CNBD1: variants seen among roughly 807,000 people sequenced by gnomAD.
CNBD1 encodes cyclic nucleotide-binding domain-containing protein 1.
A neutral mutation model predicts 54.4 loss-of-function variants in CNBD1; 71 were observed. That is an observed-to-expected ratio of 1.30 (90% confidence interval 1.08 to 1.59). CNBD1 has a LOEUF of 1.59. CNBD1 is among the 40% of genes most tolerant of loss of function. CNBD1 has a pLI of 0.00. For missense variants in CNBD1, 659 were observed against 518.0 expected (o/e 1.27, Z -2.64); for synonymous variants, 182 against 170.7 (o/e 1.07, Z -0.51).
chr8:87,299,480 G>A (rs1184036447), intron 8 of CNBD1, among the ~76,000 whole-genome samples: 3 of 152,192 alleles, frequency 2.0e-5, no homozygotes, highest in Non-Finnish European at 4.4e-5. Context: ...TTCTCCTCCT[G>A]TTCACATAGA....
chr8:87,422,727 T>C (rs746864013), intron 2 of CNBD1, among the ~76,000 whole-genome samples: 7 of 152,200 alleles, frequency 4.6e-5, no homozygotes, highest in Non-Finnish European at 1.0e-4. Flanking sequence ...AGCTTTGTTC[T>C]TTTGGCTTAG....
chr8:87,017,049 C>T (rs562073349), intron 4 of CNBD1, among the ~76,000 whole-genome samples: 1 of 152,250 alleles, frequency 6.6e-6, no homozygotes, highest in East Asian at 1.9e-4. Context: ...TTTAAGAAGC[C>T]TTATCAAATC....
chr8:87,340,218 A>G (rs1218108613), intron 8 of CNBD1, among the ~76,000 whole-genome samples: 2 of 152,152 alleles, frequency 1.3e-5, no homozygotes, highest in Non-Finnish European at 2.9e-5. Flanking sequence ...TCTGACCTTC[A>G]ATGTTTCTGC....
chr8:87,057,336 C>G (rs1271673505), intron 4 of CNBD1, among the ~76,000 whole-genome samples: 4 of 152,172 alleles, frequency 2.6e-5, no homozygotes, highest in Admixed American at 1.3e-4. Context: ...GGGAAAGGCC[C>G]CTTACTTTAA....
At chr8:87,386,372 A>G (rs1358055169), downstream of CNBD1, among the ~76,000 whole-genome samples, 1 of 152,110 alleles carries the variant, frequency 6.6e-6, no homozygotes, top group Non-Finnish European at 1.5e-5. Flanking sequence ...TGAAAAAAAA[A>G]TTAGATGAAT....
At chr8:86,877,367 T>C (rs1808536667) in intron 1 of CNBD1, among the ~76,000 whole-genome samples, 1 of 152,192 alleles carries the variant, frequency 6.6e-6, no homozygotes, top group South Asian at 2.1e-4. Flanking sequence ...CTTAGTTGTA[T>C]GGGTATGTGA....
Position 87,353,677 on chromosome 8 carries a change from G to T in CNBD1, c.1194G>T (p.Glu398Asp). 1 of 1,604,306 alleles carries T rather than the reference G, an allele frequency of 6.2e-7. No individual in the cohort carries two copies. The highest frequency in any genetic ancestry group is 8.5e-7 in the Non-Finnish European group (1 of 1,175,754). ...TTGTTTATATGGGGAAACTTAAGGA[G>T]AAGGAGTCCTTTGGTGAGATTAGCG... is the stretch of plus-strand genomic sequence containing the variant. Reference protein sequence around the residue: ...QKLVYMGKLKEKESFGEISVL... With the variant: ...QKLVYMGKLKDKESFGEISVL... Residue 398 changes from glutamate to aspartate, a missense_variant, in exon 10 of 11, where the codon GAG becomes GAT. Physicochemically the swap from Glu to Asp is conservative, Grantham distance 45. Coordinates refer to ENST00000518476, the MANE Select transcript of CNBD1 (RefSeq NM_173538.3).
downstream of CNBD1, among the ~76,000 whole-genome samples, chr8:87,384,221 G>A (rs1346469416): frequency 2.0e-5 from 3 of 151,912 alleles, no homozygotes; most frequent in Admixed American, 6.6e-5. Context: ...TTTATCTGTA[G>A]CCATTAGATA....
intron 4 of CNBD1, among the ~76,000 whole-genome samples, chr8:86,943,285 G>T (rs960835064): frequency 6.8e-6 from 1 of 146,256 alleles, no homozygotes; most frequent in Non-Finnish European, 1.5e-5. Context: ...GGAGGCTGAG[G>T]CAGGAATTGC....
chr8:86,992,547 A>G (rs1221449919), intron 4 of CNBD1, among the ~76,000 whole-genome samples: 1 of 151,606 alleles, frequency 6.6e-6, no homozygotes, highest in Non-Finnish European at 1.5e-5. Flanking sequence ...TTGATTGTGT[A>G]GTTTTTTTTT....
chr8:86,956,894 C>G (rs1309266540), intron 4 of CNBD1, among the ~76,000 whole-genome samples: 1 of 152,212 alleles, frequency 6.6e-6, no homozygotes, highest in Non-Finnish European at 1.5e-5. Context: ...AAGAGGGCAT[C>G]CCTGTCTTGT....
intron 6 of CNBD1, among the ~76,000 whole-genome samples, chr8:87,274,821 A>G (rs1385419591): frequency 4.5e-5 from 6 of 134,590 alleles, no homozygotes; most frequent in East Asian, 2.0e-4. Context: ...TGCTTTTGAT[A>G]TTTTAGACAT....
chr8:87,302,195 T>A (rs1457626087), intron 8 of CNBD1, among the ~76,000 whole-genome samples: 1 of 152,116 alleles, frequency 6.6e-6, no homozygotes, highest in Non-Finnish European at 1.5e-5. Context: ...AAAAAGAGAA[T>A]TTTAGACCAA....
intron 10 of CNBD1, among the ~76,000 whole-genome samples, chr8:87,380,149 A>T (rs1039411690): frequency 6.6e-6 from 1 of 151,984 alleles, no homozygotes; most frequent in Non-Finnish European, 1.5e-5. Context: ...TTACCAGCTA[A>T]AAGATTAATA....
intron 4 of CNBD1, among the ~76,000 whole-genome samples, chr8:87,168,539 GTA>G (rs1813016313): frequency 6.6e-6 from 1 of 151,438 alleles, no homozygotes; most frequent in Non-Finnish European, 1.5e-5. Context: ...TTCCATTTTT[GTA>G]TACCCATTAA....
intron 6 of CNBD1, among the ~76,000 whole-genome samples, chr8:87,260,415 C>A (rs1255162821): frequency 6.6e-6 from 1 of 152,084 alleles, no homozygotes; most frequent in Non-Finnish European, 1.5e-5. Context: ...GGGCCTAAGC[C>A]CGTATTTTTT....
chr8:87,411,497 G>T (rs1807746842), intron 2 of CNBD1, among the ~76,000 whole-genome samples: 1 of 145,672 alleles, frequency 6.9e-6, no homozygotes, highest in Non-Finnish European at 1.5e-5. Flanking sequence ...GCCAAAAGTT[G>T]TTGATTCATA....
intron 3 of CNBD1, among the ~76,000 whole-genome samples, chr8:86,912,265 T>C (rs1809111334): frequency 6.6e-6 from 1 of 152,196 alleles, no homozygotes; most frequent in African/African-American, 2.4e-5. Context: ...TTAGGCAAAA[T>C]GTTTATCAAT....
chr8:86,886,771 G>A (rs1198347719), intron 1 of CNBD1, among the ~76,000 whole-genome samples: 16 of 152,132 alleles, frequency 1.1e-4, no homozygotes, highest in Admixed American at 1.0e-3. Flanking sequence ...AAAGAAAGGA[G>A]TAATATGCCT....
Sources: gnomAD v4.1 joint callset for allele counts (sites outside exome capture counted in the v4.1 genomes callset) on GRCh38, gnomAD v4.1.1 for gene constraint, MANE v1.5 for transcripts, NCBI Gene and HGNC (gene_info 2026-07-23, HGNC 2026-07-21) for gene names.